Variants in UBE4B observed in about 807,000 individuals in gnomAD.
The protein encoded by UBE4B is ubiquitin conjugation factor E4 B.
A neutral mutation model predicts 148.1 loss-of-function variants in UBE4B; 27 were observed. The observed-to-expected ratio is 0.18, with a 90% CI of 0.13 to 0.25. The LOEUF (loss-of-function observed/expected upper bound fraction) is 0.25. Among genes scored for constraint, UBE4B ranks in the 10% least tolerant of loss-of-function variants. UBE4B has a pLI of 1.00. For synonymous variants in UBE4B, 596 were observed against 619.3 expected, an observed-to-expected ratio of 0.96 and a Z score of 0.56; for missense variants, 1,170 against 1,662.4, an observed-to-expected ratio of 0.70 and a Z score of 5.15.
In UBE4B at chr1:10,117,615, A is replaced by T. The variant is rs760135045; in HGVS notation, c.1338+15A>T. ...AAGCACCAAAGGTAATATGAAATGGATTAACTTAAAAAAAAAAAAGCCTAG... is the reference window on the plus strand; with the variant it reads ...AAGCACCAAAGGTAATATGAAATGGTTTAACTTAAAAAAAAAAAAGCCTAG... On this transcript the variant is annotated intron_variant, in intron 8 of 27. Transcript: ENST00000343090. 1.6e-5 allele frequency: 25 copies of T among 1,559,504 alleles called. No individual in the cohort carries two copies. Among genetic ancestry groups the T allele is most frequent in the Non-Finnish European group, 2.1e-5 (24 of 1,160,600 alleles).
At chr1:10,108,377 TGACCGCA>T (rs1392113460) in intron 7 of UBE4B, among the ~76,000 whole-genome samples, 1 of 152,200 alleles carries the variant, frequency 6.6e-6, no homozygotes, top group East Asian at 1.9e-4. Flanking sequence ...GCCTTTGAAA[TGACCGCA>T]GAGGCTGAAA....
intron 1 of UBE4B, among the ~76,000 whole-genome samples, chr1:10,061,763 T>C (rs1470412047): frequency 1.3e-5 from 2 of 152,138 alleles, no homozygotes; most frequent in Non-Finnish European, 2.9e-5. Context: ...CTTGGATCTC[T>C]TCATTTGGGC....
chr1:10,168,183 G>C lies in UBE4B; in HGVS notation c.3246G>C (p.Val1082=). 1 of 1,614,176 alleles carries C rather than the reference G, an allele frequency of 6.2e-7. No homozygotes were observed. Among genetic ancestry groups the C allele is most frequent in the Non-Finnish European group, 8.5e-7 (1 of 1,180,048 alleles). Residue 1082 remains valine (V), a synonymous_variant, in exon 24 of 28, where the codon GTG becomes GTC. Transcript: ENST00000343090. The surrounding 1 kb of genome is among the most constrained non-coding windows in gnomAD (Gnocchi z 4.9). ...RQSQLAQDER[V]SRSYLALATE... ...CTCAGCTTGCTCAGGATGAGCGTGT[G>C]TCCCGCTCTTACCTCGCCCTGGCCA...
chr1:10,112,432 C>T (rs1645237004), intron 7 of UBE4B, among the ~76,000 whole-genome samples: 1 of 152,188 alleles, frequency 6.6e-6, no homozygotes, highest in Admixed American at 6.5e-5. Context: ...CGGAGTCTCG[C>T]TCTGTCTCCC....
chr1:10,151,232 C>A, intron 20 of UBE4B, 94 bp from the exon 21 acceptor site: 3 of 1,135,566 alleles, frequency 2.6e-6, no homozygotes, highest in Non-Finnish European at 1.3e-6. Context: ...ATCCTGCCTT[C>A]CCCTCCTCAC....
chr1:10,124,180 G>C (rs1645454884), intron 10 of UBE4B, among the ~76,000 whole-genome samples: 1 of 151,784 alleles, frequency 6.6e-6, no homozygotes, highest in Admixed American at 6.6e-5. Flanking sequence ...AATTAATTTT[G>C]AGGGTGAGTC....
intron 2 of UBE4B, among the ~76,000 whole-genome samples, chr1:10,093,082 CATACT>C (rs1026234441): frequency 3.6e-4 from 55 of 152,288 alleles, no homozygotes; most frequent in Non-Finnish European, 5.7e-4. Flanking sequence ...TTATTGTACA[CATACT>C]ATACTATACT....
intron 15 of UBE4B, among the ~76,000 whole-genome samples, chr1:10,134,590 A>C (rs956557035): frequency 4.6e-5 from 7 of 152,202 alleles, no homozygotes; most frequent in Admixed American, 4.6e-4. Context: ...GCGGTATTCA[A>C]CAAGTAGCAC....
chr1:10,104,682 A>G (rs1227042736), intron 5 of UBE4B, among the ~76,000 whole-genome samples: 1 of 152,258 alleles, frequency 6.6e-6, no homozygotes, highest in Non-Finnish European at 1.5e-5. Flanking sequence ...TATTCTTATT[A>G]TAAATCTTAA....
chr1:10,155,088 T>C (rs61782929), intron 21 of UBE4B, among the ~76,000 whole-genome samples: 2 of 134,822 alleles, frequency 1.5e-5, no homozygotes, highest in Admixed American at 1.4e-4. Context: ...AGAGAGAGTG[T>C]GTGTGTGTGT....
intron 1 of UBE4B, among the ~76,000 whole-genome samples, chr1:10,057,333 A>G (rs1280739043): frequency 2.0e-5 from 3 of 152,136 alleles, no homozygotes; most frequent in Admixed American, 6.5e-5. Flanking sequence ...TATTTTAAAA[A>G]AGATATAATT....
At chr1:10,034,424 TATACAG>T (rs1643422381) in intron 1 of UBE4B, among the ~76,000 whole-genome samples, 2 of 152,120 alleles carry the variant, frequency 1.3e-5, no homozygotes, top group African/African-American at 4.8e-5. Context: ...TTAAAGGAGT[TATACAG>T]ATCTACTTCT....
chr1:10,155,064 G>GGAGAGAGA (rs112077178), intron 21 of UBE4B, among the ~76,000 whole-genome samples: 5 of 149,124 alleles, frequency 3.4e-5, no homozygotes, highest in Non-Finnish European at 7.4e-5. Context: ...TGTGGCTTCA[G>GGAGAGAGA]GAGAGAGAGA....
intron 2 of UBE4B, among the ~76,000 whole-genome samples, chr1:10,077,915 T>C (rs960302264): frequency 1.3e-5 from 2 of 152,370 alleles, no homozygotes; most frequent in South Asian, 2.1e-4. Context: ...TGCATTGTTA[T>C]GTGGCACTGC....
At chr1:10,046,959 C>T (rs1418089096) in intron 1 of UBE4B, among the ~76,000 whole-genome samples, 1 of 152,162 alleles carries the variant, frequency 6.6e-6, no homozygotes, top group Non-Finnish European at 1.5e-5. Context: ...CCAGTAAGCA[C>T]CAAATTTTGT....
intron 21 of UBE4B, among the ~76,000 whole-genome samples, chr1:10,151,981 G>A (rs75509194): frequency 5.3e-5 from 8 of 152,002 alleles, no homozygotes; most frequent in Admixed American, 2.6e-4. Context: ...TTCTTGGTCC[G>A]GGTGCGGTGG....
chr1:10,116,007 G>A (rs1166930927), intron 7 of UBE4B, among the ~76,000 whole-genome samples: 3 of 152,174 alleles, frequency 2.0e-5, no homozygotes, highest in Non-Finnish European at 4.4e-5. Flanking sequence ...TTACAAATGT[G>A]TTCCAAAATT....
intron 1 of UBE4B, among the ~76,000 whole-genome samples, chr1:10,048,044 T>C (rs1295329280): frequency 6.6e-6 from 1 of 152,094 alleles, no homozygotes; most frequent in Non-Finnish European, 1.5e-5. Context: ...GACGAGGGTC[T>C]CCCTGTGTTG....
chr1:10,046,636 G>T (rs1281164868), intron 1 of UBE4B, among the ~76,000 whole-genome samples: 1 of 152,170 alleles, frequency 6.6e-6, no homozygotes, highest in Non-Finnish European at 1.5e-5. Flanking sequence ...GAGCTCCCTT[G>T]TGCCTGGCCC....
Sources: gnomAD v4.1 joint callset for allele counts (sites outside exome capture counted in the v4.1 genomes callset) on GRCh38, gnomAD v4.1.1 for gene constraint, Gnocchi (gnomAD v3.1) non-coding constraint, MANE v1.5 for transcripts, NCBI Gene and HGNC (gene_info 2026-07-23, HGNC 2026-07-21) for gene names.